Variants in ETV6 observed in about 807,000 individuals in gnomAD.
ETV6 encodes the protein ETS variant transcription factor 6.
Under a neutral mutation model 51.1 loss-of-function variants are expected in ETV6, and 16 were observed. The observed-to-expected ratio is 0.31, with a 90% CI of 0.21 to 0.48. The LOEUF (loss-of-function observed/expected upper bound fraction) is 0.48. ETV6 is among the 20% of genes least tolerant of loss of function. The pLI is 0.99. For synonymous variants in ETV6, 240 were observed against 224.1 expected (o/e 1.07, Z -0.64); for missense variants, 458 against 594.8 (o/e 0.77, Z 2.39).
At chr12:11,747,193 G>C (rs962016232) in intron 1 of ETV6, among the ~76,000 whole-genome samples, 1 of 151,982 alleles carries the variant, frequency 6.6e-6, no homozygotes, top group Non-Finnish European at 1.5e-5. Context: ...ATTTTCACAG[G>C]GTACACTCAT....
In ETV6 at chr12:11,854,096, C is replaced by T. The variant is rs554275864; in HGVS notation, c.463+535C>T. On this transcript the variant is annotated intron_variant, in intron 4 of 7. Transcript: ENST00000396373. ...TGGGAGCCCTGAGCTTGTTTTCCTG[C>T]AACTAGACGTTCCCATCTGGGGGTG... Among the ~76,000 whole-genome samples the T allele has an allele frequency of 2.6e-5, 4 of 152,254 alleles. No individual in the cohort carries two copies. In the East Asian group the frequency reaches 7.7e-4, roughly 29 times the overall value.
Position 11,869,333 on chromosome 12 carries a change from G to A in ETV6, c.464-91G>A, listed in dbSNP as rs543274071. On this transcript the variant is annotated intron_variant, in intron 4 of 7. Transcript: ENST00000396373. The surrounding 1 kb of genome is among the most constrained non-coding windows in gnomAD (Gnocchi z 5.0). ...AAAGGTCCTTTACACATACCTACAC[G>A]CTCCTCCATTTACCGCCTGTAGAGC... 9 of 1,138,664 alleles carry A rather than the reference G, an allele frequency of 7.9e-6. No individual in the cohort carries two copies. In the East Asian group the frequency reaches 9.4e-5, roughly 12 times the overall value. The allele number at this position is 1,138,664 out of a possible 1,614,324, so 70.5% of individuals were successfully genotyped here.
At chr12:11,749,519 A>G (rs1865981298) in intron 1 of ETV6, among the ~76,000 whole-genome samples, 1 of 152,170 alleles carries the variant, frequency 6.6e-6, no homozygotes, top group Non-Finnish European at 1.5e-5. Flanking sequence ...ATTAGACGTT[A>G]GTGTCCTTAA....
At chr12:11,862,688 G>T (rs1005994454) in intron 4 of ETV6, among the ~76,000 whole-genome samples, 1 of 152,118 alleles carries the variant, frequency 6.6e-6, no homozygotes, top group Admixed American at 6.6e-5. Context: ...AGTCATATTG[G>T]ATGTTTAAAA....
chr12:11,859,223 G>T (rs1476632457), intron 4 of ETV6, among the ~76,000 whole-genome samples: 1 of 130,652 alleles, frequency 7.7e-6, no homozygotes, highest in Non-Finnish European at 1.5e-5. Flanking sequence ...TTCACTGCAA[G>T]CTCCACCTCC....
intron 1 of ETV6, among the ~76,000 whole-genome samples, chr12:11,716,142 C>T (rs1865271916): frequency 6.6e-6 from 1 of 151,840 alleles, no homozygotes; most frequent in Non-Finnish European, 1.5e-5. Flanking sequence ...GGGTGGATCA[C>T]GAGGTCGGGA....
chr12:11,732,584 A>G (rs1482404336), intron 1 of ETV6, among the ~76,000 whole-genome samples: 2 of 152,028 alleles, frequency 1.3e-5, no homozygotes, highest in African/African-American at 4.8e-5. Flanking sequence ...ATCCCACCCC[A>G]TCTTTTTCTG....
At chr12:11,875,297 C>T (rs1301239218) in intron 5 of ETV6, among the ~76,000 whole-genome samples, 1 of 152,240 alleles carries the variant, frequency 6.6e-6, no homozygotes, top group South Asian at 2.1e-4. Context: ...TAGCACAAGA[C>T]GGAGTGAGAC....
intron 2 of ETV6, among the ~76,000 whole-genome samples, chr12:11,807,848 C>G (rs962432504): frequency 6.6e-6 from 1 of 152,158 alleles, no homozygotes; most frequent in Admixed American, 6.5e-5. Context: ...TCAAATCACC[C>G]TTTCTCCTGG....
intron 2 of ETV6, among the ~76,000 whole-genome samples, chr12:11,815,210 A>AG (rs781555812): frequency 1.4e-4 from 21 of 152,348 alleles, no homozygotes; most frequent in Non-Finnish European, 2.2e-4. Context: ...ATTAAAAAAA[A>AG]GAAGTTACTC....
chr12:11,817,299 T>C (rs184653332), intron 2 of ETV6, among the ~76,000 whole-genome samples: 39 of 152,318 alleles, frequency 2.6e-4, no homozygotes, highest in Admixed American at 2.4e-3. Flanking sequence ...TAATATTCTT[T>C]CAATACTTAT....
intron 4 of ETV6, among the ~76,000 whole-genome samples, chr12:11,857,293 G>A (rs1012834429): frequency 6.6e-6 from 1 of 152,224 alleles, no homozygotes; most frequent in Non-Finnish European, 1.5e-5. Context: ...CCACGTGGCA[G>A]TGCTAGAAGC....
intron 5 of ETV6, among the ~76,000 whole-genome samples, chr12:11,876,342 T>C (rs1946982982): frequency 6.6e-6 from 1 of 152,238 alleles, no homozygotes; most frequent in African/African-American, 2.4e-5. Flanking sequence ...TTCTAGATGA[T>C]AGGGCACTGC....
chr12:11,725,409 TC>T (rs1274040362), intron 1 of ETV6, among the ~76,000 whole-genome samples: 1 of 152,178 alleles, frequency 6.6e-6, no homozygotes, highest in Non-Finnish European at 1.5e-5. Context: ...AGGTTGGAGT[TC>T]CCTTTTTAAC....
At chr12:11,754,726 G>A (rs1161112049) in intron 2 of ETV6, among the ~76,000 whole-genome samples, 1 of 152,204 alleles carries the variant, frequency 6.6e-6, no homozygotes, top group East Asian at 1.9e-4. Flanking sequence ...TTCTTGAGTA[G>A]ACAGTTTCCT....
At chr12:11,807,705 G>T (rs1248711782) in intron 2 of ETV6, among the ~76,000 whole-genome samples, 4 of 152,174 alleles carry the variant, frequency 2.6e-5, no homozygotes, top group African/African-American at 4.8e-5. Context: ...TACCTAAGTG[G>T]TTATATGTAA....
chr12:11,891,145 G>C lies in ETV6; in HGVS notation c.*99G>C. 8.9e-6 allele frequency: 8 copies of C among 901,090 alleles called. No homozygotes were observed. The highest frequency in any genetic ancestry group is 1.7e-6 in the Non-Finnish European group (1 of 575,924). 55.8% of individuals were successfully genotyped at this position (901,090 alleles called of 1,614,324 possible). A position where few individuals can be genotyped will look rare whatever the true frequency, so the allele number is the denominator to read the frequency against. ...CGGAGCAGGCGGGCTGAGGAGAGTG[G>C]AAAAGGAAGCGACCCAGAAATGGCA... On this transcript the variant is annotated 3_prime_UTR_variant, in exon 8 of 8. Transcript: ENST00000396373.
At chr12:11,715,005 G>C (rs1865248709) in intron 1 of ETV6, among the ~76,000 whole-genome samples, 2 of 152,160 alleles carry the variant, frequency 1.3e-5, no homozygotes. Context: ...TGATACCCAC[G>C]TTACATGACA....
intron 1 of ETV6, among the ~76,000 whole-genome samples, chr12:11,712,065 C>T (rs545572308): frequency 1.3e-5 from 2 of 152,254 alleles, no homozygotes; most frequent in South Asian, 2.1e-4. Flanking sequence ...AAGGAAGCCT[C>T]GTGAAAACAA....
Sources: gnomAD v4.1 joint callset for allele counts (sites outside exome capture counted in the v4.1 genomes callset) on GRCh38, gnomAD v4.1.1 for gene constraint, Gnocchi (gnomAD v3.1) non-coding constraint, MANE v1.5 for transcripts, NCBI Gene and HGNC (gene_info 2026-07-23, HGNC 2026-07-21) for gene names.